Variants in TOP1 observed in about 807,000 individuals in gnomAD.
TOP1 encodes DNA topoisomerase 1.
In TOP1, 10 loss-of-function variants were observed where a neutral mutation model predicts 111.1. The observed-to-expected ratio is 0.09, with a 90% CI of 0.06 to 0.15. TOP1 has a LOEUF of 0.15. Among genes scored for constraint, TOP1 ranks in the 10% least tolerant of loss-of-function variants. The pLI is 1.00. For missense variants in TOP1, 474 were observed against 926.7 expected, an observed-to-expected ratio of 0.51 and a Z score of 6.34; for synonymous variants, 271 against 302.9, an observed-to-expected ratio of 0.89 and a Z score of 1.10.
intron 8 of TOP1, among the ~76,000 whole-genome samples, chr20:41,089,191 A>AT (rs1457634211): frequency 1.3e-5 from 2 of 151,478 alleles, no homozygotes; most frequent in African/African-American, 4.9e-5. Flanking sequence ...TTCCCGGCTA[A>AT]TTTTTTATAT....
chr20:41,033,938 G>A (rs2033152945), intron 2 of TOP1, among the ~76,000 whole-genome samples: 1 of 152,018 alleles, frequency 6.6e-6, no homozygotes. Context: ...GAATGAAGCT[G>A]TGGAAATGTT....
At position 41,123,642 on chromosome 20, in the gene TOP1, T is replaced by G; in HGVS notation, c.*345T>G. The G allele has an allele frequency of 3.9e-6, 1 of 254,622 alleles. No homozygotes were observed. Among genetic ancestry groups the G allele is most frequent in the Non-Finnish European group, 7.6e-6 (1 of 132,136 alleles). The allele number at this position is 254,622 out of a possible 1,614,324, so 15.8% of individuals were successfully genotyped here. A position where few individuals can be genotyped will look rare whatever the true frequency, so the allele number is the denominator to read the frequency against. On this transcript the variant is annotated 3_prime_UTR_variant, in exon 21 of 21. Transcript: ENST00000361337. This position sits in a 1 kb window ranked among gnomAD's most constrained non-coding sequence, Gnocchi z 5.8. ...TGTTTGGATTCTCTTAGCTACTGTA[T>G]GCAAAGTCCGATTATATTGGTGCGT...
At chr20:41,052,858 T>C (rs1191596121) in intron 2 of TOP1, among the ~76,000 whole-genome samples, 1 of 151,964 alleles carries the variant, frequency 6.6e-6, no homozygotes, top group Admixed American at 6.6e-5. Flanking sequence ...GCCATGATGG[T>C]ATGCACCTGT....
chr20:41,040,990 T>C (rs1003634450), intron 2 of TOP1, among the ~76,000 whole-genome samples: 4 of 152,158 alleles, frequency 2.6e-5, no homozygotes, highest in Non-Finnish European at 5.9e-5. Context: ...TTGAGAGTTC[T>C]AAACATCTCA....
rs1373369466 is a variant in TOP1 at position 41,101,981 on chromosome 20, A to G, written c.1308+628A>G. ...GGGGAAATCAGTTTTTGTTTGCCAG[A>G]TAGCTATGTATATCTAGCTTTGGAG... On this transcript the variant is annotated intron_variant, in intron 13 of 20. Transcript: ENST00000361337. This position sits in a 1 kb window ranked among gnomAD's most constrained non-coding sequence, Gnocchi z 4.1. Among the ~76,000 whole-genome samples the G allele has an allele frequency of 6.6e-6, 1 of 152,236 alleles. No individual in the cohort carries two copies. The highest frequency in any genetic ancestry group is 1.5e-5 in the Non-Finnish European group (1 of 68,030).
chr20:41,081,110 TGAGA>T, intron 6 of TOP1, 51 bp from the exon 7 acceptor site: 1 of 1,530,898 alleles, frequency 6.5e-7, no homozygotes, highest in Non-Finnish European at 8.8e-7. Flanking sequence ...CTCCTATGAG[TGAGA>T]ACTCCTGAAT....
rs191639876 is a variant in TOP1 at position 41,046,103 on chromosome 20, G to A, written c.59-15291G>A. ...TAGCTTCAAGTTGTGATCAGTTTTC[G>A]TGGGATGCAAGGAGAAAATGAATAG... On this transcript the variant is annotated intron_variant, in intron 2 of 20. Coordinates refer to ENST00000361337, the MANE Select transcript of TOP1 (RefSeq NM_003286.4). This position sits in a 1 kb window ranked among gnomAD's most constrained non-coding sequence, Gnocchi z 4.3. 5.0e-4 allele frequency among the ~76,000 whole-genome samples: 76 copies of A among 152,290 alleles called. No homozygotes were observed. Among genetic ancestry groups the A allele is most frequent in the Admixed American group, 6.5e-5 (1 of 15,286 alleles).
At chr20:41,063,123 T>G (rs889781706) in intron 3 of TOP1, among the ~76,000 whole-genome samples, 1 of 152,188 alleles carries the variant, frequency 6.6e-6, no homozygotes, top group Non-Finnish European at 1.5e-5. Flanking sequence ...CAGTGTCTAT[T>G]ATTGCCATCT....
chr20:41,057,138 C>T (rs2033483429), intron 2 of TOP1, among the ~76,000 whole-genome samples: 1 of 152,034 alleles, frequency 6.6e-6, no homozygotes, highest in Non-Finnish European at 1.5e-5. Flanking sequence ...TGGCGGCATG[C>T]ACCTGTAGTC....
chr20:41,070,603 G>A (rs1048305453), intron 3 of TOP1, among the ~76,000 whole-genome samples: 4 of 152,140 alleles, frequency 2.6e-5, no homozygotes, highest in African/African-American at 9.7e-5. Flanking sequence ...TCCTTGAAAG[G>A]GTCATGAGTT....
chr20:41,091,971 A>G (rs548603159), intron 8 of TOP1, among the ~76,000 whole-genome samples: 2 of 152,290 alleles, frequency 1.3e-5, no homozygotes, highest in South Asian at 4.1e-4. Context: ...GTTCCAGGTA[A>G]TGCGTAAGTA....
chr20:41,090,198 C>T (rs1416107879), intron 8 of TOP1, among the ~76,000 whole-genome samples: 1 of 152,140 alleles, frequency 6.6e-6, no homozygotes, highest in East Asian at 1.9e-4. Flanking sequence ...TGGTCTCGAA[C>T]TCCTGACCTC....
In TOP1 at chr20:41,115,363, T is replaced by C. The variant is rs1318066288; in HGVS notation, c.1639-8T>C. On this transcript the variant is annotated splice_region_variant and splice_polypyrimidine_tract_variant and intron_variant, in intron 15 of 20. Coordinates refer to ENST00000361337, the MANE Select transcript of TOP1 (RefSeq NM_003286.4). The surrounding 1 kb of genome is among the most constrained non-coding windows in gnomAD (Gnocchi z 6.3). ...GAGTAATAATTAGGATTCACTTATA[T>C]CTTTTAGGTTTTTAAGAACCTACAA... is the stretch of plus-strand genomic sequence containing the variant. 1.3e-6 allele frequency: 2 copies of C among 1,598,552 alleles called. No homozygotes were observed. Among genetic ancestry groups the C allele is most frequent in the Non-Finnish European group, 1.7e-6 (2 of 1,166,666 alleles).
At position 41,084,538 on chromosome 20, in the gene TOP1, C is replaced by T. The variant is rs957960003; in HGVS notation, c.584C>T (p.Pro195Leu). ...VPEPDNKKKKPKKEEEQKWKW... is the reference protein window; with the variant it reads ...VPEPDNKKKKLKKEEEQKWKW... ...GAGCCAGATAACAAGAAAAAGAAGC[C>T]GAAGAAAGAAGAGGAACAGAAGTGG... The change falls in exon 8 of 21, where the codon CCG becomes CTG. Residue 195 changes from proline (P) to leucine (L), a missense_variant. Coordinates refer to ENST00000361337, the MANE Select transcript of TOP1 (RefSeq NM_003286.4). 13 of 1,571,100 alleles carry T rather than the reference C, an allele frequency of 8.3e-6. No individual in the cohort carries two copies. Among genetic ancestry groups the T allele is most frequent in the East Asian group, 2.3e-5 (1 of 43,746 alleles).
Position 41,029,599 on chromosome 20 carries a change from C to A in TOP1, c.58+144C>A. ...CGCTCACCGGCCCCATTGTTCCCAT[C>A]GGGCCGCCTCTTGACCCCCTTTCCG... On this transcript the variant is annotated intron_variant, in intron 2 of 20. Coordinates refer to ENST00000361337, the MANE Select transcript of TOP1 (RefSeq NM_003286.4). The surrounding 1 kb of genome is among the most constrained non-coding windows in gnomAD (Gnocchi z 6.1). The A allele has an allele frequency of 1.4e-6, 1 of 718,020 alleles. No individual in the cohort carries two copies. Among genetic ancestry groups the A allele is most frequent in the South Asian group, 1.5e-5 (1 of 65,102 alleles). 44.5% of individuals were successfully genotyped at this position (718,020 alleles called of 1,614,324 possible). A position where few individuals can be genotyped will look rare whatever the true frequency, so the allele number is the denominator to read the frequency against.
rs1980456 is a variant in TOP1 at position 41,114,304 on chromosome 20, T to C, written c.1638+149T>C. On this transcript the variant is annotated intron_variant, in intron 15 of 20. Coordinates refer to ENST00000361337, the MANE Select transcript of TOP1 (RefSeq NM_003286.4). The surrounding 1 kb of genome is among the most constrained non-coding windows in gnomAD (Gnocchi z 4.5). ...TGGCACATGCCTGTAGACCCAGCTA[T>C]TCAGAAGGCTGAGACAGGAGGATCA... 0.52 allele frequency: 337,448 copies of C among 644,452 alleles called. 93,117 individuals are homozygous for C. The highest frequency in any genetic ancestry group is 0.83 in the East Asian group (30,859 of 37,004). The allele number at this position is 644,452 out of a possible 1,614,324, so 39.9% of individuals were successfully genotyped here.
intron 2 of TOP1, among the ~76,000 whole-genome samples, chr20:41,040,956 A>T (rs1415043788): frequency 6.6e-6 from 1 of 152,126 alleles, no homozygotes; most frequent in Non-Finnish European, 1.5e-5. Context: ...TATTTTTAGG[A>T]AGGCACTAGG....
At position 41,116,722 on chromosome 20, in the gene TOP1, GGA is replaced by G. The variant is rs1278972159; in HGVS notation, c.1822+336_1822+337del. Reference sequence around the variant, plus strand: ...CAGTGCTGTGATGTTCTGTTAAATTGGAGAGAGTAAAGTTGTCATGGTTACCA... The same window carrying G: ...CAGTGCTGTGATGTTCTGTTAAATTGGAGAGTAAAGTTGTCATGGTTACCA... On this transcript the variant is annotated intron_variant, in intron 17 of 20. Transcript: ENST00000361337. The surrounding 1 kb of genome is among the most constrained non-coding windows in gnomAD (Gnocchi z 5.6). Among the ~76,000 whole-genome samples the G allele has an allele frequency of 2.6e-5, 4 of 152,204 alleles. No individual in the cohort carries two copies. The highest frequency in any genetic ancestry group is 4.8e-5 in the African/African-American group (2 of 41,444).
At position 41,098,232 on chromosome 20, in the gene TOP1, G is replaced by C; in HGVS notation, c.870G>C (p.Glu290Asp). Residue 290 changes from glutamate (E) to aspartate (D), a missense_variant, in exon 11 of 21, where the codon GAG becomes GAC. Transcript: ENST00000361337. The surrounding 1 kb of genome is among the most constrained non-coding windows in gnomAD (Gnocchi z 5.7). ...TTGACTAGGAAATGACTAATGAAGA[G>C]AAGAATATTATCACCAACCTAAGCA... ...KDWRKEMTNE[E>D]KNIITNLSKC... 6.2e-7 allele frequency: 1 copy of C among 1,613,840 alleles called. No homozygotes were observed. The highest frequency in any genetic ancestry group is 8.5e-7 in the Non-Finnish European group (1 of 1,179,830).
Sources: allele counts gnomAD v4.1 joint callset (sites outside exome capture counted in the v4.1 genomes callset), GRCh38; gene constraint gnomAD v4.1.1; non-coding constraint Gnocchi (gnomAD v3.1); transcripts MANE v1.5; gene names NCBI Gene and HGNC (gene_info 2026-07-23, HGNC 2026-07-21).